Variants in ADAMTSL1 observed in about 807,000 individuals in gnomAD.
ADAMTSL1 encodes the protein ADAMTS-like protein 1.
In ADAMTSL1, 126 loss-of-function variants were observed where a neutral mutation model predicts 201.8. That is an observed-to-expected ratio of 0.62 (90% confidence interval 0.54 to 0.72). The LOEUF (loss-of-function observed/expected upper bound fraction) is 0.72. ADAMTSL1 is among the 30% of genes least tolerant of loss of function. The probability of loss-of-function intolerance (pLI) is 0.00; values close to 1 mark genes in which losing one functional copy is unlikely to be tolerated. For missense variants in ADAMTSL1, 2,679 were observed against 2,277.8 expected, an observed-to-expected ratio of 1.18 and a Z score of -3.59; for synonymous variants, 1,121 against 903.4, an observed-to-expected ratio of 1.24 and a Z score of -4.32.
intron 8 of ADAMTSL1, among the ~76,000 whole-genome samples, chr9:18,659,169 A>G (rs1339764069): frequency 1.3e-5 from 2 of 152,246 alleles, no homozygotes; most frequent in African/African-American, 4.8e-5. Flanking sequence ...AAGTATCACT[A>G]TATTAATTTG....
At chr9:18,229,380 C>T (rs533027515) in intron 2 of ADAMTSL1, among the ~76,000 whole-genome samples, 17 of 152,184 alleles carry the variant, frequency 1.1e-4, no homozygotes, top group African/African-American at 3.6e-4. Context: ...ACCTTAAGGA[C>T]TGTGATGTGA....
intron 5 of ADAMTSL1, among the ~76,000 whole-genome samples, chr9:18,624,187 A>AG (rs1471631111): frequency 6.6e-6 from 1 of 152,234 alleles, no homozygotes; most frequent in Non-Finnish European, 1.5e-5. Context: ...TGCAAAAAAA[A>AG]TAAAATAAAT....
At chr9:18,710,661 G>GTTT (rs1352571180) in intron 14 of ADAMTSL1, among the ~76,000 whole-genome samples, 2,567 of 79,360 alleles carry the variant, frequency 0.032, 382 homozygotes, top group South Asian at 0.054. Context: ...AAGGGCCTAA[G>GTTT]TTTTGTTTTG....
At chr9:18,106,937 T>C (rs1480311991) in intron 1 of ADAMTSL1, among the ~76,000 whole-genome samples, 2 of 152,174 alleles carry the variant, frequency 1.3e-5, no homozygotes, top group Non-Finnish European at 2.9e-5. Flanking sequence ...TTCACAGATA[T>C]CTGGCAATTC....
At chr9:17,967,576 C>T (rs1320065181) in intron 1 of ADAMTSL1, among the ~76,000 whole-genome samples, 1 of 151,926 alleles carries the variant, frequency 6.6e-6, no homozygotes, top group Admixed American at 6.6e-5. Context: ...AAAAAAGAGG[C>T]TTAGGAAGAT....
rs564718773 is a variant in ADAMTSL1, at chr9:18,829,972, T to A, written c.4244T>A (p.Leu1415His). ...GTCCTGGATCCTGGGAATTCTGCTC[T>A]CCTTGGTGAGTCTAACCCTCGGAAA... ...QLVLDPGNSA[L>H]LGCPIKGHPV... The change falls in exon 23 of 29, where the codon CTC becomes CAC. Residue 1415 changes from leucine (L) to histidine (H), a missense_variant. By Grantham distance (99) the Leu-to-His change is moderately conservative. Transcript: ENST00000380548. 3.7e-6 allele frequency: 6 copies of A among 1,609,670 alleles called. No individual in the cohort carries two copies. Among genetic ancestry groups the A allele is most frequent in the Non-Finnish European group, 5.1e-6 (6 of 1,178,028 alleles).
intron 2 of ADAMTSL1, among the ~76,000 whole-genome samples, chr9:18,181,022 A>G (rs1191033096): frequency 1.3e-5 from 2 of 152,202 alleles, no homozygotes; most frequent in Non-Finnish European, 2.9e-5. Flanking sequence ...CCTGACAAAA[A>G]CAAGCAATGG....
At chr9:18,570,846 C>T (rs1401305180) in intron 3 of ADAMTSL1, among the ~76,000 whole-genome samples, 3 of 152,168 alleles carry the variant, frequency 2.0e-5, no homozygotes, top group Non-Finnish European at 2.9e-5. Context: ...TAAAGATGCT[C>T]ATAAGCATTA....
intron 26 of ADAMTSL1, among the ~76,000 whole-genome samples, chr9:18,893,934 T>G (rs1829453505): frequency 6.6e-6 from 1 of 152,236 alleles, no homozygotes; most frequent in Admixed American, 6.5e-5. Flanking sequence ...GCTTTCTCCT[T>G]TTAATCCAAC....
chr9:18,612,032 T>C (rs1216301573), intron 4 of ADAMTSL1, among the ~76,000 whole-genome samples: 3 of 152,160 alleles, frequency 2.0e-5, no homozygotes, highest in Non-Finnish European at 4.4e-5. Flanking sequence ...AGGAACTCAG[T>C]AGATCAAGTA....
intron 1 of ADAMTSL1, among the ~76,000 whole-genome samples, chr9:17,932,800 C>G (rs1299180407): frequency 6.6e-6 from 1 of 152,090 alleles, no homozygotes; most frequent in Non-Finnish European, 1.5e-5. Flanking sequence ...TTTTTTGAAA[C>G]AAATAAAAGT....
At chr9:18,432,935 A>C (rs1439406926) in intron 2 of ADAMTSL1, among the ~76,000 whole-genome samples, 1 of 152,182 alleles carries the variant, frequency 6.6e-6, no homozygotes, top group Non-Finnish European at 1.5e-5. Flanking sequence ...CTTTGACTAC[A>C]GGAAACTATG....
intron 2 of ADAMTSL1, among the ~76,000 whole-genome samples, chr9:18,166,211 C>A (rs1827621337): frequency 6.6e-6 from 1 of 151,918 alleles, no homozygotes; most frequent in Admixed American, 6.6e-5. Context: ...AAGACAGGAC[C>A]TCTGTTGATT....
At chr9:17,954,508 G>C (rs1236061906) in intron 1 of ADAMTSL1, among the ~76,000 whole-genome samples, 1 of 152,144 alleles carries the variant, frequency 6.6e-6, no homozygotes, top group Non-Finnish European at 1.5e-5. Context: ...TGAACAAAAT[G>C]TCATTATTAT....
At chr9:18,141,099 G>T (rs1399014540) in intron 1 of ADAMTSL1, among the ~76,000 whole-genome samples, 1 of 152,150 alleles carries the variant, frequency 6.6e-6, no homozygotes, top group Non-Finnish European at 1.5e-5. Flanking sequence ...TTGAGTGACT[G>T]ATGCCAAGCC....
intron 1 of ADAMTSL1, among the ~76,000 whole-genome samples, chr9:17,931,890 C>T (rs934420924): frequency 6.6e-6 from 1 of 152,126 alleles, no homozygotes; most frequent in Non-Finnish European, 1.5e-5. Context: ...TACAGCAGTG[C>T]TGATTGGCAA....
At chr9:18,356,600 AT>A in intron 2 of ADAMTSL1, among the ~76,000 whole-genome samples, 1 of 96,112 alleles carries the variant, frequency 1.0e-5, no homozygotes, top group Non-Finnish European at 2.3e-5. Flanking sequence ...TCAATACACA[AT>A]AAAACACACA....
At chr9:18,221,942 GT>G (rs1428095237) in intron 2 of ADAMTSL1, among the ~76,000 whole-genome samples, 1 of 151,874 alleles carries the variant, frequency 6.6e-6, no homozygotes, top group Non-Finnish European at 1.5e-5. Context: ...CAAGTTTAGT[GT>G]TTGTTTTTTA....
intron 1 of ADAMTSL1, among the ~76,000 whole-genome samples, chr9:18,156,933 A>G (rs752345510): frequency 6.6e-5 from 10 of 152,062 alleles, no homozygotes; most frequent in Admixed American, 1.3e-4. Context: ...AAGGAAGAAG[A>G]TAATTGGCTT....
Sources: gnomAD v4.1 joint callset for allele counts (sites outside exome capture counted in the v4.1 genomes callset) on GRCh38, gnomAD v4.1.1 for gene constraint, MANE v1.5 for transcripts, NCBI Gene and HGNC (gene_info 2026-07-23, HGNC 2026-07-21) for gene names.